Variants in NRCAM observed in about 807,000 individuals in gnomAD.
NRCAM encodes the protein NgCAM-related cell adhesion molecule.
In NRCAM, 83 loss-of-function variants were observed where a neutral mutation model predicts 156.5. The ratio of observed to expected loss-of-function variants is 0.53; its 90% CI spans 0.44 to 0.64. The LOEUF (loss-of-function observed/expected upper bound fraction) is 0.64. NRCAM is among the 30% of genes least tolerant of loss of function. NRCAM has a pLI of 0.00. For missense variants in NRCAM, 1,417 were observed against 1,597.3 expected (o/e 0.89, Z 1.92); for synonymous variants, 538 against 563.9 (o/e 0.95, Z 0.65).
chr7:108,268,956 T>C (rs1358126312), intron 3 of NRCAM, among the ~76,000 whole-genome samples: 2 of 152,178 alleles, frequency 1.3e-5, no homozygotes, highest in African/African-American at 4.8e-5. Context: ...TCAAGTACTA[T>C]TATTATCCTC....
chr7:108,372,386 A>C (rs1329161370), intron 2 of NRCAM, among the ~76,000 whole-genome samples: 5 of 152,094 alleles, frequency 3.3e-5, no homozygotes. Context: ...AAAAATCTGT[A>C]CAGGAAAGGA....
intron 30 of NRCAM, among the ~76,000 whole-genome samples, chr7:108,166,321 C>A (rs2054186184): frequency 6.7e-6 from 1 of 149,982 alleles, no homozygotes; most frequent in African/African-American, 2.5e-5. Context: ...AATCTTGGCT[C>A]ACCGCAACCT....
chr7:108,394,109 C>T (rs2099770140), intron 2 of NRCAM, among the ~76,000 whole-genome samples: 1 of 152,190 alleles, frequency 6.6e-6, no homozygotes, highest in Admixed American at 6.5e-5. Flanking sequence ...CCCAAGTCGA[C>T]CACTCATTGA....
At chr7:108,225,532 C>T (rs2093295880) in intron 10 of NRCAM, 113 bp downstream of exon 10, 3 of 759,804 alleles carry the variant, frequency 3.9e-6, no homozygotes, top group African/African-American at 1.7e-5. Flanking sequence ...TGGTATTTAA[C>T]ATATAACTAG....
At chr7:108,169,677 C>G (rs1355049365) in intron 28 of NRCAM, among the ~76,000 whole-genome samples, 1 of 152,130 alleles carries the variant, frequency 6.6e-6, no homozygotes, top group African/African-American at 2.4e-5. Flanking sequence ...CAGAGTCCTT[C>G]TGTGGACCTA....
chr7:108,254,564 T>G (rs1417127356), intron 3 of NRCAM, among the ~76,000 whole-genome samples: 1 of 151,390 alleles, frequency 6.6e-6, no homozygotes, highest in Non-Finnish European at 1.5e-5. Flanking sequence ...TTTTTTTTTT[T>G]TTGAGATGGA....
chr7:108,247,032 T>A (rs2095985776), intron 3 of NRCAM, among the ~76,000 whole-genome samples: 1 of 152,036 alleles, frequency 6.6e-6, no homozygotes, highest in South Asian at 2.1e-4. Context: ...TACTAGATGA[T>A]GAGAAGCCAG....
chr7:108,367,872 T>A (rs1264865331), intron 2 of NRCAM, among the ~76,000 whole-genome samples: 2 of 152,214 alleles, frequency 1.3e-5, no homozygotes, highest in Non-Finnish European at 2.9e-5. Context: ...AAAGTTACCA[T>A]ATAAAGCACA....
In NRCAM at chr7:108,424,142, C is replaced by T. The variant is rs79322331; in HGVS notation, c.-331-24549G>A. Among the ~76,000 whole-genome samples, 1,365 of 152,284 alleles carry T rather than the reference C, an allele frequency of 9.0e-3. 25 individuals carry two copies. Among genetic ancestry groups the T allele is most frequent in the African/African-American group, 0.031 (1,286 of 41,552 alleles). On this transcript the variant is annotated intron_variant, in intron 1 of 32. Transcript: ENST00000379028. ...AAAGAAAAGAAACCATATCCCTTCACAGCCAGAAATCTTCAGGCCCCAATG... is the reference window on the plus strand; with the variant it reads ...AAAGAAAAGAAACCATATCCCTTCATAGCCAGAAATCTTCAGGCCCCAATG...
At chr7:108,228,341 CAGA>C (rs2093806487) in intron 8 of NRCAM, among the ~76,000 whole-genome samples, 1 of 151,416 alleles carries the variant, frequency 6.6e-6, no homozygotes, top group Non-Finnish European at 1.5e-5. Context: ...AAAAAACCCT[CAGA>C]AGAATTAGGT....
At chr7:108,221,942 C>CA (rs5886446) in intron 11 of NRCAM, among the ~76,000 whole-genome samples, 138,109 of 144,086 alleles carry the variant, frequency 0.96, 66,224 homozygotes, top group South Asian at 0.99. Flanking sequence ...ATGGTTCAAG[C>CA]AAAAAAAAAA....
chr7:108,161,012 A>G (rs1015908516), intron 30 of NRCAM, among the ~76,000 whole-genome samples: 5 of 152,226 alleles, frequency 3.3e-5, no homozygotes, highest in Admixed American at 3.3e-4. Context: ...CGGTCCACAC[A>G]AGAAACCTTT....
At chr7:108,456,668 A>G (rs1345521786), upstream of NRCAM, 1 of 151,570 alleles carries the variant, frequency 6.6e-6, no homozygotes. Flanking sequence ...GTGGCCCCTC[A>G]CCTGAGCGGC....
At chr7:108,290,545 C>G (rs1261235539) in intron 3 of NRCAM, among the ~76,000 whole-genome samples, 2 of 152,136 alleles carry the variant, frequency 1.3e-5, no homozygotes, top group Non-Finnish European at 2.9e-5. Flanking sequence ...AGAGCTGGGT[C>G]AACAGTACAG....
rs560183184 is a variant in NRCAM, at chr7:108,378,497, T to C, written c.-174+20939A>G. Among the ~76,000 whole-genome samples the C allele has an allele frequency of 7.9e-5, 12 of 152,150 alleles. No individual in the cohort carries two copies. In the South Asian group the frequency reaches 2.1e-3, roughly 26 times the overall value. The stretch of plus-strand genomic sequence containing the variant: ...ACAAATAAAGGACTAACATTTATAA[T>C]AGGACCTCTAGAAAGACACAACTGT... On this transcript the variant is annotated intron_variant, in intron 2 of 32. Transcript: ENST00000379028.
At chr7:108,203,606 G>A (rs537765720) in intron 13 of NRCAM, among the ~76,000 whole-genome samples, 1 of 152,180 alleles carries the variant, frequency 6.6e-6, no homozygotes, top group African/African-American at 2.4e-5. Flanking sequence ...AGCCTGCAGA[G>A]GCGAAAGGAG....
intron 13 of NRCAM, among the ~76,000 whole-genome samples, chr7:108,198,436 A>G (rs2076262569): frequency 6.6e-6 from 1 of 152,078 alleles, no homozygotes; most frequent in Non-Finnish European, 1.5e-5. Context: ...ACATGTGCAC[A>G]ATGTGCAGGT....
upstream of NRCAM, chr7:108,456,681 C>A (rs1349575570): frequency 6.6e-6 from 1 of 152,196 alleles, no homozygotes; most frequent in Non-Finnish European, 1.5e-5. Flanking sequence ...TGAGCGGCCG[C>A]CCCACCGCCA....
chr7:108,410,211 T>G (rs559748101), intron 1 of NRCAM, among the ~76,000 whole-genome samples: 41 of 152,362 alleles, frequency 2.7e-4, no homozygotes, highest in Middle Eastern at 3.4e-3. Flanking sequence ...AAGCCCATAT[T>G]AAATAGCCCT....
Sources: allele counts gnomAD v4.1 joint callset (sites outside exome capture counted in the v4.1 genomes callset), GRCh38; gene constraint gnomAD v4.1.1; transcripts MANE v1.5; gene names NCBI Gene and HGNC (gene_info 2026-07-23, HGNC 2026-07-21).